The following GRM7 variants were observed in gnomAD, a reference collection of about 807,000 sequenced individuals.
GRM7 encodes the protein glutamate metabotropic receptor 7, also known as metabotropic glutamate receptor 7.
Under a neutral mutation model 84.5 loss-of-function variants are expected in GRM7, and 35 were observed. The observed-to-expected ratio is 0.41, with a 90% CI of 0.32 to 0.55. The LOEUF (loss-of-function observed/expected upper bound fraction) is 0.55. Among genes scored for constraint, GRM7 ranks in the 20% least tolerant of loss-of-function variants. The probability of loss-of-function intolerance (pLI) is 0.19; values close to 1 mark genes in which losing one functional copy is unlikely to be tolerated. For synonymous variants in GRM7, 487 were observed against 455.1 expected (o/e 1.07, Z -0.89); for missense variants, 1,003 against 1,194.6 (o/e 0.84, Z 2.36).
At chr3:7,224,641 A>C (rs1301099127) in intron 2 of GRM7, among the ~76,000 whole-genome samples, 3 of 152,206 alleles carry the variant, frequency 2.0e-5, no homozygotes, top group African/African-American at 7.2e-5. Context: ...TATTCTTTCA[A>C]ATTAATCCTC....
intron 1 of GRM7, among the ~76,000 whole-genome samples, chr3:7,120,554 T>C (rs1170298592): frequency 2.0e-5 from 3 of 152,136 alleles, no homozygotes; most frequent in African/African-American, 7.2e-5. Context: ...AATAATCAGC[T>C]CCATGAGCAA....
chr3:6,990,312 G>A (rs1694586778), intron 1 of GRM7, among the ~76,000 whole-genome samples: 2 of 152,166 alleles, frequency 1.3e-5, no homozygotes, highest in South Asian at 4.1e-4. Flanking sequence ...AACTTTAAAA[G>A]GAAGCAAATA....
chr3:6,972,362 G>A (rs542936397), intron 1 of GRM7, among the ~76,000 whole-genome samples: 3 of 152,106 alleles, frequency 2.0e-5, no homozygotes, highest in Admixed American at 6.6e-5. Flanking sequence ...CTGATTGTCC[G>A]TGTTTCTTCG....
At chr3:7,646,070 G>A (rs1219886789) in intron 8 of GRM7, among the ~76,000 whole-genome samples, 4 of 152,290 alleles carry the variant, frequency 2.6e-5, no homozygotes, top group Non-Finnish European at 2.9e-5. Flanking sequence ...AGCAGCTCAC[G>A]ATCTAATGCA....
chr3:7,370,149 C>G (rs1333712661), intron 4 of GRM7, among the ~76,000 whole-genome samples: 3 of 152,104 alleles, frequency 2.0e-5, no homozygotes, highest in South Asian at 2.1e-4. Flanking sequence ...TCTCAGAATA[C>G]TAAAAGGTTT....
chr3:7,359,359 A>G (rs1400214026), intron 4 of GRM7, among the ~76,000 whole-genome samples: 4 of 121,730 alleles, frequency 3.3e-5, no homozygotes, highest in African/African-American at 6.8e-5. Flanking sequence ...TTTTTGAGAC[A>G]GTCTTGCTCT....
intron 8 of GRM7, chr3:7,607,296 G>A (rs140022087): frequency 6.8e-6 from 1 of 148,042 alleles, no homozygotes; most frequent in Non-Finnish European, 1.5e-5. Flanking sequence ...GTTTCAATAA[G>A]CATTGTAGTG....
At chr3:7,357,913 CA>C (rs1216605990) in intron 4 of GRM7, among the ~76,000 whole-genome samples, 2 of 152,056 alleles carry the variant, frequency 1.3e-5, no homozygotes, top group Non-Finnish European at 2.9e-5. Flanking sequence ...AACCCACTTC[CA>C]ATCCAATAGC....
intron 7 of GRM7, 37 bp downstream of exon 7, chr3:7,461,759 A>G (rs1247477987): frequency 3.1e-6 from 5 of 1,593,542 alleles, no homozygotes; most frequent in African/African-American, 2.7e-5. Flanking sequence ...CCTTGTTGAG[A>G]TGAATGAACA....
chr3:7,429,947 C>T (rs1178051145), intron 5 of GRM7, among the ~76,000 whole-genome samples: 1 of 152,054 alleles, frequency 6.6e-6, no homozygotes, highest in Non-Finnish European at 1.5e-5. Context: ...CTAACTGGCT[C>T]CTTAAAATAT....
chr3:7,664,548 A>G (rs1442590264), intron 8 of GRM7, among the ~76,000 whole-genome samples: 2 of 152,218 alleles, frequency 1.3e-5, no homozygotes, highest in East Asian at 3.8e-4. Flanking sequence ...TCTAAGGTAC[A>G]TATGCAGAAC....
chr3:7,465,970 T>C (rs547370978), intron 7 of GRM7, among the ~76,000 whole-genome samples: 1 of 152,270 alleles, frequency 6.6e-6, no homozygotes, highest in South Asian at 2.1e-4. Context: ...ACTGCATGGT[T>C]AGCTACCAGG....
intron 2 of GRM7, among the ~76,000 whole-genome samples, chr3:7,231,397 T>C (rs967024738): frequency 2.0e-5 from 3 of 152,322 alleles, no homozygotes; most frequent in African/African-American, 7.2e-5. Flanking sequence ...GATGAACATA[T>C]GGCATTCTAA....
intron 8 of GRM7, among the ~76,000 whole-genome samples, chr3:7,599,821 A>C (rs1385398088): frequency 6.6e-6 from 1 of 151,950 alleles, no homozygotes; most frequent in Non-Finnish European, 1.5e-5. Flanking sequence ...GGGAGCACAA[A>C]ATGGAACGCT....
At chr3:7,242,553 T>C (rs557505768) in intron 2 of GRM7, among the ~76,000 whole-genome samples, 1 of 152,316 alleles carries the variant, frequency 6.6e-6, no homozygotes, top group African/African-American at 2.4e-5. Context: ...ATGAATGCAA[T>C]TGTTGAAATT....
intron 4 of GRM7, among the ~76,000 whole-genome samples, chr3:7,356,799 C>T (rs1026474516): frequency 3.3e-5 from 5 of 151,862 alleles, no homozygotes; most frequent in African/African-American, 1.2e-4. Context: ...TGTCAGCTTT[C>T]CTGGTTTTAA....
At chr3:7,356,920 TCACA>T (rs34481316) in intron 4 of GRM7, among the ~76,000 whole-genome samples, 2,239 of 131,230 alleles carry the variant, frequency 0.017, 22 homozygotes, top group South Asian at 0.061. Context: ...GCCTTTTTGA[TCACA>T]CACACACACA....
intron 4 of GRM7, among the ~76,000 whole-genome samples, chr3:7,343,556 T>C (rs1157340634): frequency 7.1e-6 from 1 of 140,026 alleles, no homozygotes; most frequent in Admixed American, 7.1e-5. Context: ...AATTGCTTGA[T>C]TTTTTTATTA....
At position 7,415,006 on chromosome 3, in the gene GRM7, C is replaced by T; in HGVS notation, c.1034-17C>T. ...AGTGCCCCGCAAGCAATGACCTTTT[C>T]ATTTAACTCTGTTTAGGGTTTGATG... On this transcript the variant is annotated splice_polypyrimidine_tract_variant and intron_variant, in intron 4 of 9. Coordinates refer to ENST00000357716, the MANE Select transcript of GRM7 (RefSeq NM_000844.4). 1.3e-6 allele frequency: 2 copies of T among 1,599,428 alleles called. No homozygotes were observed. The highest frequency in any genetic ancestry group is 1.7e-6 in the Non-Finnish European group (2 of 1,171,548).
Sources: gnomAD v4.1 joint callset for allele counts (sites outside exome capture counted in the v4.1 genomes callset) on GRCh38, gnomAD v4.1.1 for gene constraint, MANE v1.5 for transcripts, NCBI Gene and HGNC (gene_info 2026-07-23, HGNC 2026-07-21) for gene names.